HPSE2: variants seen among roughly 807,000 people sequenced by gnomAD.
HPSE2 encodes the protein inactive heparanase-2.
In HPSE2, 38 loss-of-function variants were observed where a neutral mutation model predicts 60.5. That is an observed-to-expected ratio of 0.63 (90% CI 0.48 to 0.82). The LOEUF (loss-of-function observed/expected upper bound fraction) is 0.82. Among genes scored for constraint, HPSE2 ranks in the 40% least tolerant of loss-of-function variants. HPSE2 has a pLI of 0.00. For missense variants in HPSE2, 713 were observed against 740.4 expected (o/e 0.96, Z 0.43); for synonymous variants, 295 against 293.2 (o/e 1.01, Z -0.06).
chr10:99,232,253 A>T, intron 2 of HPSE2, 95 bp downstream of exon 2: 1 of 1,299,724 alleles, frequency 7.7e-7, no homozygotes, highest in South Asian at 1.3e-5. Flanking sequence ...ACACACACAC[A>T]CACGAACACA....
At chr10:98,826,836 A>G (rs1294697455) in intron 3 of HPSE2, among the ~76,000 whole-genome samples, 1 of 152,160 alleles carries the variant, frequency 6.6e-6, no homozygotes, top group Non-Finnish European at 1.5e-5. Context: ...GCCTGCTTTC[A>G]CAAGCACTGC....
chr10:98,568,540 A>G (rs1395007154), intron 9 of HPSE2, among the ~76,000 whole-genome samples: 2 of 152,182 alleles, frequency 1.3e-5, no homozygotes, highest in Non-Finnish European at 2.9e-5. Context: ...AGCAGTCTCT[A>G]GATTGTCCTT....
Position 98,728,710 on chromosome 10 carries a change from A to C in HPSE2, c.785-6882T>G, listed in dbSNP as rs550963487. On this transcript the variant is annotated intron_variant, in intron 4 of 11. Coordinates refer to ENST00000370552, the MANE Select transcript of HPSE2 (RefSeq NM_021828.5). ...GATGTATTGTGATAAGAAACTACTA[A>C]GAAAATAACAAAACAGGGTGGGTGT... 3.9e-5 allele frequency among the ~76,000 whole-genome samples: 6 copies of C among 152,218 alleles called. No homozygotes were observed. The East Asian group carries it at 1.2e-3, about 29-fold the overall frequency.
At chr10:98,518,712 G>GT (rs374693824) in intron 9 of HPSE2, among the ~76,000 whole-genome samples, 1 of 147,126 alleles carries the variant, frequency 6.8e-6, no homozygotes, top group Non-Finnish European at 1.5e-5. Flanking sequence ...ATCCCACGAG[G>GT]AAAAAAAAAA....
chr10:98,565,666 A>T (rs1944321822), intron 9 of HPSE2, among the ~76,000 whole-genome samples: 1 of 152,176 alleles, frequency 6.6e-6, no homozygotes, highest in Admixed American at 6.5e-5. Context: ...TAGTAGAATG[A>T]TTTATATTCC....
At chr10:98,987,858 A>G (rs1205497540) in intron 3 of HPSE2, among the ~76,000 whole-genome samples, 1 of 152,028 alleles carries the variant, frequency 6.6e-6, no homozygotes, top group South Asian at 2.1e-4. Context: ...TAACAGACAA[A>G]CAGAGAGCCA....
At chr10:98,542,680 T>C (rs377167129) in intron 9 of HPSE2, among the ~76,000 whole-genome samples, 14,286 of 150,292 alleles carry the variant, frequency 0.095, 840 homozygotes, top group African/African-American at 0.16. Context: ...ACGTGAAGAA[T>C]GCAGAAGCCT....
At position 98,482,859 on chromosome 10, in the gene HPSE2, T is replaced by C; in HGVS notation, c.1467-77A>G. 2.7e-6 allele frequency: 4 copies of C among 1,494,924 alleles called. No homozygotes were observed. The Admixed American group carries it at 6.8e-5, about 25-fold the overall frequency. The allele number at this position is 1,494,924 out of a possible 1,614,324, so 92.6% of individuals were successfully genotyped here. On this transcript the variant is annotated intron_variant, in intron 10 of 11. Coordinates refer to ENST00000370552, the MANE Select transcript of HPSE2 (RefSeq NM_021828.5). ...AGATGCTTCTAAATAATTTATAGAC[T>C]GTACAAAATATGAACAGCCCTGAAA...
At chr10:98,537,529 G>T (rs1269853692) in intron 9 of HPSE2, among the ~76,000 whole-genome samples, 1 of 152,128 alleles carries the variant, frequency 6.6e-6, no homozygotes, top group Admixed American at 6.5e-5. Flanking sequence ...ACTCTTTGTT[G>T]CATTACTAAT....
At position 98,622,345 on chromosome 10, in the gene HPSE2, A is replaced by G. The variant is rs1589523114; in HGVS notation, c.1099-1637T>C. Reference sequence around the variant, plus strand: ...ACATATATCAAACACATAAGGAAAGATTATATAAGAGAGAGGTGAAAATTA... The same window carrying G: ...ACATATATCAAACACATAAGGAAAGGTTATATAAGAGAGAGGTGAAAATTA... On this transcript the variant is annotated intron_variant, in intron 7 of 11. Transcript: ENST00000370552. Among the ~76,000 whole-genome samples, 3 of 152,230 alleles carry G rather than the reference A, an allele frequency of 2.0e-5. No homozygotes were observed. The East Asian group carries it at 5.8e-4, about 29-fold the overall frequency.
intron 5 of HPSE2, among the ~76,000 whole-genome samples, chr10:98,713,864 C>T (rs1948731426): frequency 6.6e-6 from 1 of 151,950 alleles, no homozygotes; most frequent in Non-Finnish European, 1.5e-5. Context: ...TCCTTTACCT[C>T]TCCATTTATT....
At position 98,511,961 on chromosome 10, in the gene HPSE2, A is replaced by G. The variant is rs560469109; in HGVS notation, c.1321-21765T>C. On this transcript the variant is annotated intron_variant, in intron 9 of 11. Coordinates refer to ENST00000370552, the MANE Select transcript of HPSE2 (RefSeq NM_021828.5). Reference sequence around the variant, plus strand: ...TGTTGTGTGGTTTCCAAAGTTGTAAAAACCTAATTAATTCTAATAGGCACA... The same window carrying G: ...TGTTGTGTGGTTTCCAAAGTTGTAAGAACCTAATTAATTCTAATAGGCACA... 2.6e-5 allele frequency among the ~76,000 whole-genome samples: 4 copies of G among 152,348 alleles called. No individual in the cohort carries two copies. The South Asian group carries it at 8.3e-4, about 32-fold the overall frequency.
intron 2 of HPSE2, among the ~76,000 whole-genome samples, chr10:99,203,601 C>T (rs1280065787): frequency 6.6e-6 from 1 of 152,026 alleles, no homozygotes; most frequent in Non-Finnish European, 1.5e-5. Flanking sequence ...CAGACTCCTG[C>T]ACTAGACTGG....
chr10:98,574,148 G>A (rs1007634250), intron 9 of HPSE2, among the ~76,000 whole-genome samples: 1 of 151,906 alleles, frequency 6.6e-6, no homozygotes, highest in Non-Finnish European at 1.5e-5. Flanking sequence ...ATAACATATG[G>A]TCCTTTGTGA....
chr10:99,195,857 T>A (rs1268128430), intron 2 of HPSE2, among the ~76,000 whole-genome samples: 1 of 138,154 alleles, frequency 7.2e-6, no homozygotes, highest in African/African-American at 2.5e-5. Flanking sequence ...AAAAAAAAAA[T>A]CCTAAAATTT....
intron 3 of HPSE2, among the ~76,000 whole-genome samples, chr10:98,869,960 A>C (rs1338903873): frequency 6.6e-6 from 1 of 152,216 alleles, no homozygotes; most frequent in Non-Finnish European, 1.5e-5. Context: ...ATAAATGTTT[A>C]TCAGGAGTAT....
chr10:98,520,897 C>A (rs1413130535), intron 9 of HPSE2, among the ~76,000 whole-genome samples: 20 of 152,106 alleles, frequency 1.3e-4, no homozygotes, highest in Admixed American at 1.3e-3. Flanking sequence ...GGAAAGGATT[C>A]CCTATTTAAT....
At position 98,693,431 on chromosome 10, in the gene HPSE2, T is replaced by A. The variant is rs555871796; in HGVS notation, c.1004+469A>T. On this transcript the variant is annotated intron_variant, in intron 6 of 11. Transcript: ENST00000370552. ...CTGCTTCATCTTGATACTCTTTTTT[T>A]AAAAAAAAGCTGCTTCATTTTAGAG... 7.2e-5 allele frequency among the ~76,000 whole-genome samples: 11 copies of A among 152,156 alleles called. No homozygotes were observed. The South Asian group carries it at 1.9e-3, about 26-fold the overall frequency.
intron 3 of HPSE2, among the ~76,000 whole-genome samples, chr10:98,768,883 T>G (rs1950181661): frequency 6.6e-6 from 1 of 152,120 alleles, no homozygotes; most frequent in African/African-American, 2.4e-5. Context: ...AAACCTCATC[T>G]CTGCTAAAAA....
Sources: gnomAD v4.1 joint callset for allele counts (sites outside exome capture counted in the v4.1 genomes callset) on GRCh38, gnomAD v4.1.1 for gene constraint, MANE v1.5 for transcripts, NCBI Gene and HGNC (gene_info 2026-07-23, HGNC 2026-07-21) for gene names.